NRXN3: variants seen among roughly 807,000 people sequenced by gnomAD.
NRXN3 encodes neurexin 3.
A neutral mutation model predicts 137.6 loss-of-function variants in NRXN3; 32 were observed. The ratio of observed to expected loss-of-function variants is 0.23; its 90% CI spans 0.18 to 0.31. The LOEUF is 0.31. Ranked by LOEUF, NRXN3 falls within the 10% of genes least tolerant of loss-of-function variation. The probability of loss-of-function intolerance (pLI) is 1.00; values close to 1 mark genes in which losing one functional copy is unlikely to be tolerated. For synonymous variants in NRXN3, 798 were observed against 784.5 expected, an observed-to-expected ratio of 1.02 and a Z score of -0.29; for missense variants, 1,574 against 2,062.5, an observed-to-expected ratio of 0.76 and a Z score of 4.59.
intron 15 of NRXN3, among the ~76,000 whole-genome samples, chr14:79,414,897 T>C (rs2095474210): frequency 6.6e-6 from 1 of 152,144 alleles, no homozygotes. Flanking sequence ...ACCACACTTC[T>C]ACTCTCTGTT....
intron 6 of NRXN3, among the ~76,000 whole-genome samples, chr14:78,685,030 A>G (rs1210449097): frequency 2.0e-5 from 3 of 152,202 alleles, no homozygotes; most frequent in African/African-American, 7.2e-5. Context: ...AAATCTGGTT[A>G]GGGAAATAGA....
At chr14:79,107,086 G>A (rs1210045819) in intron 15 of NRXN3, among the ~76,000 whole-genome samples, 1 of 152,146 alleles carries the variant, frequency 6.6e-6, no homozygotes, top group Admixed American at 6.6e-5. Context: ...AAAGGTAAAT[G>A]ACAAGCTCTA....
intron 4 of NRXN3, among the ~76,000 whole-genome samples, chr14:78,415,179 A>G (rs1446147907): frequency 6.6e-6 from 1 of 152,166 alleles, no homozygotes; most frequent in Admixed American, 6.5e-5. Flanking sequence ...TCAGTTTCCT[A>G]TTTGTTAAAT....
At chr14:79,094,995 T>TGG (rs2050016841) in intron 15 of NRXN3, among the ~76,000 whole-genome samples, 1 of 151,436 alleles carries the variant, frequency 6.6e-6, no homozygotes, top group African/African-American at 2.4e-5. Flanking sequence ...TGTGTGTGTG[T>TGG]GTGTGTGTGT....
intron 16 of NRXN3, among the ~76,000 whole-genome samples, chr14:79,535,611 A>G (rs1204959464): frequency 6.6e-6 from 1 of 152,142 alleles, no homozygotes; most frequent in Non-Finnish European, 1.5e-5. Context: ...CCTGTTATAC[A>G]TTGAGCACAT....
At chr14:78,345,991 A>G (rs1456364496) in intron 4 of NRXN3, among the ~76,000 whole-genome samples, 1 of 152,162 alleles carries the variant, frequency 6.6e-6, no homozygotes, top group Non-Finnish European at 1.5e-5. Context: ...TTGTTTTCAA[A>G]TGGGAAGGCC....
chr14:78,936,065 A>G (rs2099337569), intron 10 of NRXN3, among the ~76,000 whole-genome samples: 1 of 152,178 alleles, frequency 6.6e-6, no homozygotes, highest in Non-Finnish European at 1.5e-5. Flanking sequence ...CCCAAGATTC[A>G]TCATTGCTTA....
At chr14:79,720,514 A>G (rs1172074210) in intron 19 of NRXN3, among the ~76,000 whole-genome samples, 2 of 152,094 alleles carry the variant, frequency 1.3e-5, no homozygotes, top group African/African-American at 4.8e-5. Context: ...GACCTTAGTC[A>G]TGTTTCCTAC....
chr14:78,920,345 T>C (rs1411526632), intron 10 of NRXN3, among the ~76,000 whole-genome samples: 1 of 152,212 alleles, frequency 6.6e-6, no homozygotes, highest in Non-Finnish European at 1.5e-5. Flanking sequence ...AAGTGGGAAG[T>C]GAAATCTTAA....
At chr14:79,339,218 G>A (rs987683485) in intron 15 of NRXN3, among the ~76,000 whole-genome samples, 2 of 152,134 alleles carry the variant, frequency 1.3e-5, no homozygotes, top group Non-Finnish European at 2.9e-5. Context: ...TCACCTAAAC[G>A]TTTCATTTAA....
intron 9 of NRXN3, among the ~76,000 whole-genome samples, chr14:78,809,932 G>C (rs2098900549): frequency 6.6e-6 from 1 of 151,766 alleles, no homozygotes. Flanking sequence ...CATTTGGTGG[G>C]GGGAATTATT....
intron 2 of NRXN3, among the ~76,000 whole-genome samples, chr14:78,273,992 C>A (rs1351767970): frequency 1.3e-5 from 2 of 152,208 alleles, no homozygotes; most frequent in African/African-American, 4.8e-5. Flanking sequence ...GGCTGTGCAG[C>A]CTGTCCCATG....
At chr14:79,387,232 C>T (rs2094658161) in intron 15 of NRXN3, among the ~76,000 whole-genome samples, 1 of 152,002 alleles carries the variant, frequency 6.6e-6, no homozygotes, top group African/African-American at 2.4e-5. Flanking sequence ...CCAGAATCTA[C>T]AATGAACTCA....
chr14:78,573,816 G>T (rs1348343868), intron 4 of NRXN3, among the ~76,000 whole-genome samples: 1 of 152,254 alleles, frequency 6.6e-6, no homozygotes, highest in African/African-American at 2.4e-5. Context: ...GTCAGCTGAA[G>T]AAATTTGCAT....
Position 78,791,112 on chromosome 14 carries a change from T to C in NRXN3, c.2045-12508T>C, listed in dbSNP as rs147491677. On this transcript the variant is annotated intron_variant, in intron 8 of 20. Transcript: ENST00000335750. ...CTCTTCCTACAGTCCATTTTCCTTATAGTTTTTACTTTTCTTTTTGATTAG... is the reference window on the plus strand; with the variant it reads ...CTCTTCCTACAGTCCATTTTCCTTACAGTTTTTACTTTTCTTTTTGATTAG... Among the ~76,000 whole-genome samples, 974 of 152,328 alleles carry C rather than the reference T, an allele frequency of 6.4e-3. 10 individuals carry two copies. The highest frequency in any genetic ancestry group is 0.022 in the African/African-American group (896 of 41,582).
At chr14:79,523,307 C>T (rs2097087146) in intron 16 of NRXN3, among the ~76,000 whole-genome samples, 1 of 152,114 alleles carries the variant, frequency 6.6e-6, no homozygotes, top group East Asian at 1.9e-4. Flanking sequence ...TTTCTTCTTT[C>T]TCATGATGAG....
At chr14:78,938,708 T>C (rs1016844006) in intron 10 of NRXN3, among the ~76,000 whole-genome samples, 14 of 152,188 alleles carry the variant, frequency 9.2e-5, no homozygotes, top group African/African-American at 2.9e-4. Flanking sequence ...CTGGAGCTTC[T>C]AAATCTTATT....
chr14:78,352,696 C>T (rs1421495710), intron 4 of NRXN3, among the ~76,000 whole-genome samples: 2 of 152,156 alleles, frequency 1.3e-5, no homozygotes, highest in Non-Finnish European at 1.5e-5. Context: ...TTGTATTTAA[C>T]TGAGAGACTG....
intron 8 of NRXN3, among the ~76,000 whole-genome samples, chr14:78,755,096 A>G (rs2098661791): frequency 6.6e-6 from 1 of 151,942 alleles, no homozygotes; most frequent in South Asian, 2.1e-4. Flanking sequence ...GCACGATCAT[A>G]GCTCACTGTC....
Sources: allele counts gnomAD v4.1 joint callset (sites outside exome capture counted in the v4.1 genomes callset), GRCh38; gene constraint gnomAD v4.1.1; transcripts MANE v1.5; gene names NCBI Gene and HGNC (gene_info 2026-07-23, HGNC 2026-07-21).